TPGS2: variants seen among roughly 807,000 people sequenced by gnomAD.
TPGS2 encodes tubulin polyglutamylase complex subunit 2, also known as polyglutamylase subunit 2.
Under a neutral mutation model 31.1 loss-of-function variants are expected in TPGS2, and 26 were observed. The ratio of observed to expected loss-of-function variants is 0.84; its 90% CI spans 0.61 to 1.16. The LOEUF (loss-of-function observed/expected upper bound fraction) is 1.16. Among genes scored for constraint, TPGS2 ranks in the 50% most tolerant of loss-of-function variants. The probability of loss-of-function intolerance (pLI) is 0.00; values close to 1 mark genes in which losing one functional copy is unlikely to be tolerated. For missense variants in TPGS2, 351 were observed against 363.8 expected (o/e 0.96, Z 0.29); for synonymous variants, 130 against 136.6 (o/e 0.95, Z 0.34).
At chr18:36,787,195 G>T (rs1970388712) in intron 6 of TPGS2, 1 of 1,113,866 alleles carries the variant, frequency 9.0e-7, no homozygotes, top group Non-Finnish European at 1.1e-6. Flanking sequence ...GTAATAGGGG[G>T]CCTTGTGTTC....
chr18:36,794,816 G>C lies in TPGS2; in HGVS notation c.*1989C>G, dbSNP rs499429. ...AATGTCTCCTAGAGAATATGTGACA[G>C]TCATGTTATGGTTAAAACACACACA... On this transcript the variant is annotated 3_prime_UTR_variant, in exon 7 of 7. Transcript: ENST00000334295. The C allele has an allele frequency of 0.019, 18,700 of 981,558 alleles. 2,681 individuals are homozygous for C. In the African/African-American group the frequency reaches 0.3, roughly 16 times the overall value. 60.8% of individuals were successfully genotyped at this position (981,558 alleles called of 1,614,324 possible). A position where few individuals can be genotyped will look rare whatever the true frequency, so the allele number is the denominator to read the frequency against.
exon 7 of TPGS2, chr18:36,783,014 C>T (rs996292796): frequency 7.8e-5 from 31 of 398,196 alleles, no homozygotes; most frequent in Non-Finnish European, 1.1e-4. Flanking sequence ...AAGGAGCAGT[C>T]GGGGTGTGCC....
intron 6 of TPGS2, chr18:36,798,046 T>G: frequency 1.8e-6 from 1 of 556,672 alleles, no homozygotes; most frequent in Non-Finnish European, 2.4e-6. Context: ...GTGCAATGAG[T>G]ATCTTGGGAA....
At chr18:36,822,755 G>A (rs1338440706) in intron 1 of TPGS2, among the ~76,000 whole-genome samples, 2 of 151,980 alleles carry the variant, frequency 1.3e-5, no homozygotes, top group African/African-American at 2.4e-5. Context: ...CCACCACACT[G>A]GACTAATTAA....
At chr18:36,798,210 A>G (rs2044627371) in intron 6 of TPGS2, 1 of 1,355,790 alleles carries the variant, frequency 7.4e-7, no homozygotes, top group South Asian at 1.8e-5. Context: ...AATTTCATTA[A>G]AAATAAAACT....
rs368358597 is a variant in TPGS2 at position 36,795,221 on chromosome 18, T to C, written c.*1584A>G. On this transcript the variant is annotated 3_prime_UTR_variant, in exon 7 of 7. Transcript: ENST00000334295. ...AAACATGTTTCAGAGCAAAAGTGCA[T>C]GTGGAGAATCCTGTGGACTGCTCTT... 4.1e-6 allele frequency: 4 copies of C among 985,308 alleles called. No homozygotes were observed. The highest frequency in any genetic ancestry group is 3.5e-5 in the African/African-American group (2 of 57,230). 61.0% of individuals were successfully genotyped at this position (985,308 alleles called of 1,614,324 possible). A position where few individuals can be genotyped will look rare whatever the true frequency, so the allele number is the denominator to read the frequency against.
At chr18:36,793,760 C>CA (rs1474837535), downstream of TPGS2, among the ~76,000 whole-genome samples, 3 of 150,076 alleles carry the variant, frequency 2.0e-5, no homozygotes, top group Non-Finnish European at 4.4e-5. Context: ...TTCTTTGAGA[C>CA]AGAGTCTTGC....
chr18:36,790,460 C>T (rs2044271027), downstream of TPGS2, among the ~76,000 whole-genome samples: 1 of 152,170 alleles, frequency 6.6e-6, no homozygotes. Context: ...TGGACAAGGC[C>T]TGGGTGCTAA....
At chr18:36,789,918 CTG>C (rs2044249706), downstream of TPGS2, 2 of 153,882 alleles carry the variant, frequency 1.3e-5, no homozygotes, top group African/African-American at 2.4e-5. Context: ...CCACGTGAAA[CTG>C]TAAGTCCATT....
chr18:36,825,010 T>A (rs559231992), intron 1 of TPGS2, among the ~76,000 whole-genome samples: 44 of 152,316 alleles, frequency 2.9e-4, no homozygotes, highest in African/African-American at 1.0e-3. Context: ...TCTAAGATAC[T>A]TTTGGAGTTA....
At chr18:36,819,338 G>T (rs1048873647) in intron 1 of TPGS2, among the ~76,000 whole-genome samples, 1 of 152,118 alleles carries the variant, frequency 6.6e-6, no homozygotes, top group African/African-American at 2.4e-5. Context: ...ATAAAGAATA[G>T]CAACCCATTA....
downstream of TPGS2, chr18:36,781,785 C>G (rs1416122513): frequency 1.0e-6 from 1 of 985,516 alleles, no homozygotes; most frequent in Non-Finnish European, 1.2e-6. Flanking sequence ...CCTCTCTGCT[C>G]TAACCCCACT....
rs539962834 is a variant in TPGS2, at chr18:36,795,802, G to A, written c.*1003C>T. 1.0e-6 allele frequency: 1 copy of A among 985,456 alleles called. No homozygotes were observed. The highest frequency in any genetic ancestry group is 1.1e-4 in the East Asian group (1 of 8,812). 61.0% of individuals were successfully genotyped at this position (985,456 alleles called of 1,614,324 possible). On this transcript the variant is annotated 3_prime_UTR_variant, in exon 7 of 7. Transcript: ENST00000334295. ...ACTGCTTGTCCTAAGGATGGCCAGGGACCAGGCAAAGTGAGGCTGGACAAC... is the reference window on the plus strand; with the variant it reads ...ACTGCTTGTCCTAAGGATGGCCAGGAACCAGGCAAAGTGAGGCTGGACAAC...
At chr18:36,820,735 T>C (rs2150683965) in intron 1 of TPGS2, among the ~76,000 whole-genome samples, 1 of 152,348 alleles carries the variant, frequency 6.6e-6, no homozygotes, top group South Asian at 2.1e-4. Context: ...GTTTTTATCA[T>C]GTTGTCTTAG....
Position 36,828,792 on chromosome 18 carries a change from G to A in TPGS2, c.-25C>T. 1.2e-6 allele frequency: 2 copies of A among 1,610,704 alleles called. No individual in the cohort carries two copies. Among genetic ancestry groups the A allele is most frequent in the South Asian group, 1.1e-5 (1 of 90,940 alleles). On this transcript the variant is annotated 5_prime_UTR_variant, in exon 1 of 7. Transcript: ENST00000334295. ...TGGCTCGCGACCGCGATTCGCGCGC[G>A]GCGGGAGCGGGTGGAGGGCCGGACC...
rs1359370762 is a variant in TPGS2 at position 36,796,455 on chromosome 18, A to G, written c.*350T>C. ...CTCCTGAATGAACAATGCAGTTCTA[A>G]TGCTTCATGGGTCAAAACCAGTGGT... On this transcript the variant is annotated 3_prime_UTR_variant, in exon 7 of 7. Coordinates refer to ENST00000334295, the MANE Select transcript of TPGS2 (RefSeq NM_015476.4). 2.9e-6 allele frequency: 3 copies of G among 1,050,278 alleles called. No homozygotes were observed. Among genetic ancestry groups the G allele is most frequent in the Admixed American group, 5.6e-5 (1 of 17,918 alleles). 65.1% of individuals were successfully genotyped at this position (1,050,278 alleles called of 1,614,324 possible).
At chr18:36,812,548 A>G (rs1378120069) in intron 2 of TPGS2, among the ~76,000 whole-genome samples, 1 of 152,178 alleles carries the variant, frequency 6.6e-6, no homozygotes, top group Non-Finnish European at 1.5e-5. Context: ...CGCCCCTCCC[A>G]CCACACCTTG....
chr18:36,807,749 C>A (rs997713521), intron 3 of TPGS2, 98 bp downstream of exon 3: 2 of 1,107,326 alleles, frequency 1.8e-6, no homozygotes, highest in Non-Finnish European at 2.6e-6. Context: ...CCATGAAAAC[C>A]ATCCAGATTC....
At chr18:36,793,878 C>T (rs2044402988), downstream of TPGS2, among the ~76,000 whole-genome samples, 1 of 151,978 alleles carries the variant, frequency 6.6e-6, no homozygotes, top group Non-Finnish European at 1.5e-5. Flanking sequence ...GCTGGGACTA[C>T]AGGCGCCCGC....
Sources: gnomAD v4.1 joint callset for allele counts (sites outside exome capture counted in the v4.1 genomes callset) on GRCh38, gnomAD v4.1.1 for gene constraint, MANE v1.5 for transcripts, NCBI Gene and HGNC (gene_info 2026-07-23, HGNC 2026-07-21) for gene names.